HIBCH: variants seen among roughly 807,000 people sequenced by gnomAD.
HIBCH encodes the protein 3-hydroxyisobutyryl-CoA hydrolase.
In HIBCH, 50 loss-of-function variants were observed where a neutral mutation model predicts 58.2. The observed-to-expected ratio is 0.86, with a 90% CI of 0.68 to 1.09. The LOEUF is 1.09. HIBCH is among the 50% of genes least tolerant of loss of function. The probability of loss-of-function intolerance (pLI) is 0.00; values close to 1 mark genes in which losing one functional copy is unlikely to be tolerated. For synonymous variants in HIBCH, 151 were observed against 146.9 expected (o/e 1.03, Z -0.20); for missense variants, 450 against 449.7 (o/e 1.00, Z -0.01).
intron 8 of HIBCH, chr2:190,250,649 A>T (rs1179722488): frequency 5.4e-6 from 1 of 183,522 alleles, no homozygotes; most frequent in Non-Finnish European, 1.2e-5. Context: ...CAAGGGAAGC[A>T]TGAGACTACT....
chr2:190,295,557 T>C (rs1054546066), intron 3 of HIBCH, among the ~76,000 whole-genome samples: 1 of 152,204 alleles, frequency 6.6e-6, no homozygotes, highest in South Asian at 2.1e-4. Context: ...GCATTTTGAA[T>C]TAAGGATGTT....
At chr2:190,314,850 A>C (rs1688673395) in intron 1 of HIBCH, among the ~76,000 whole-genome samples, 1 of 152,212 alleles carries the variant, frequency 6.6e-6, no homozygotes, top group Non-Finnish European at 1.5e-5. Flanking sequence ...AATGTAATTG[A>C]GAATTCAGTG....
downstream of HIBCH, chr2:190,201,832 T>C (rs558000668): frequency 3.6e-5 from 6 of 167,140 alleles, no homozygotes; most frequent in South Asian, 1.0e-3. Context: ...GGCAGAAAGT[T>C]TCCCATAAGT....
chr2:190,311,003 T>C lies in HIBCH; in HGVS notation c.36-207A>G, dbSNP rs756598418. ...ATGAATTTTATGGTAACTTTATTCA[T>C]AACTGCCAAAATGTGGACGTAACCA... On this transcript the variant is annotated intron_variant, in intron 1 of 13. Coordinates refer to ENST00000359678, the MANE Select transcript of HIBCH (RefSeq NM_014362.4). The C allele has an allele frequency of 3.3e-5, 23 of 689,982 alleles. No individual in the cohort carries two copies. In the South Asian group the frequency reaches 3.5e-4, roughly 10 times the overall value. 42.7% of individuals were successfully genotyped at this position (689,982 alleles called of 1,614,324 possible).
chr2:190,248,739 T>G (rs1298011204), intron 9 of HIBCH, among the ~76,000 whole-genome samples: 1 of 151,960 alleles, frequency 6.6e-6, no homozygotes, highest in Admixed American at 6.6e-5. Flanking sequence ...CACACGCCTG[T>G]AATCCCAGCT....
At chr2:190,288,477 A>C (rs1426886991) in intron 5 of HIBCH, among the ~76,000 whole-genome samples, 1 of 149,798 alleles carries the variant, frequency 6.7e-6, no homozygotes, top group Non-Finnish European at 1.5e-5. Context: ...ATGGGAAATA[A>C]GGGACCACAT....
At position 190,217,495 on chromosome 2, in the gene HIBCH, C is replaced by A. The variant is rs116705890; in HGVS notation, c.892-4420G>T. On this transcript the variant is annotated intron_variant, in intron 11 of 13. Coordinates refer to ENST00000359678, the MANE Select transcript of HIBCH (RefSeq NM_014362.4). The surrounding 1 kb of genome is among the most constrained non-coding windows in gnomAD (Gnocchi z 4.6). The stretch of plus-strand genomic sequence containing the variant: ...GAGATTCTGTCTTAAAACAAAAAAA[C>A]AGACTACTGGAAAAAGACCTCCTGG... 1.3e-5 allele frequency among the ~76,000 whole-genome samples: 2 copies of A among 152,132 alleles called. No individual in the cohort carries two copies. The highest frequency in any genetic ancestry group is 4.8e-5 in the African/African-American group (2 of 41,426).
downstream of HIBCH, chr2:190,202,268 T>G (rs760736641): frequency 4.2e-4 from 71 of 167,150 alleles, no homozygotes; most frequent in Non-Finnish European, 6.9e-4. Flanking sequence ...AATCACATTT[T>G]AATAGAGTAC....
intron 6 of HIBCH, among the ~76,000 whole-genome samples, chr2:190,277,688 A>C (rs1430757471): frequency 6.6e-6 from 1 of 152,240 alleles, no homozygotes; most frequent in African/African-American, 2.4e-5. Context: ...GTTTTGTAAC[A>C]AACAGCCATG....
At chr2:190,258,124 A>T (rs77315392) in intron 7 of HIBCH, among the ~76,000 whole-genome samples, 2 of 151,934 alleles carry the variant, frequency 1.3e-5, no homozygotes, top group Non-Finnish European at 1.5e-5. Flanking sequence ...TGCTGTTCTC[A>T]TAATAATGAG....
At chr2:190,284,045 C>T (rs1221073254) in intron 6 of HIBCH, among the ~76,000 whole-genome samples, 1 of 152,180 alleles carries the variant, frequency 6.6e-6, no homozygotes, top group African/African-American at 2.4e-5. Flanking sequence ...AACCCAAGAA[C>T]ATTTTAGGGC....
chr2:190,311,523 T>C (rs1474644752), intron 1 of HIBCH, among the ~76,000 whole-genome samples: 1 of 152,202 alleles, frequency 6.6e-6, no homozygotes, highest in Non-Finnish European at 1.5e-5. Flanking sequence ...GAGGTATAAA[T>C]TGGTACTGCC....
At chr2:190,271,810 G>A (rs1162760795) in intron 6 of HIBCH, among the ~76,000 whole-genome samples, 2 of 152,154 alleles carry the variant, frequency 1.3e-5, no homozygotes, top group East Asian at 3.8e-4. Context: ...CTATAAGAGA[G>A]CTGATCTGGC....
intron 13 of HIBCH, chr2:190,208,624 ATTCT>A (rs1018829152): frequency 5.3e-5 from 29 of 542,302 alleles, no homozygotes; most frequent in Admixed American, 9.6e-5. Context: ...TAGGTTGAGT[ATTCT>A]TTATCTGGAA....
At chr2:190,294,022 G>GTGTGTATATATATATATA (rs755751586) in intron 4 of HIBCH, among the ~76,000 whole-genome samples, 1 of 83,020 alleles carries the variant, frequency 1.2e-5, no homozygotes. Flanking sequence ...TATTTTGTGT[G>GTGTGTATATATATATATA]TATATATATA....
chr2:190,314,244 T>C (rs1688632501), intron 1 of HIBCH, among the ~76,000 whole-genome samples: 1 of 143,026 alleles, frequency 7.0e-6, no homozygotes, highest in African/African-American at 2.6e-5. Context: ...TATTTATAGG[T>C]CACAAAAATC....
In HIBCH at chr2:190,255,328, G is replaced by T. The variant is rs143181928; in HGVS notation, c.518-3021C>A. Among the ~76,000 whole-genome samples, 642 of 152,216 alleles carry T rather than the reference G, an allele frequency of 4.2e-3. 2 individuals carry two copies. The highest frequency in any genetic ancestry group is 0.014 in the African/African-American group (594 of 41,530). Reference sequence around the variant, plus strand: ...AAGTTCATTCTTACCTAAGGGTCTTGAGCTAACTTTTCTTAATGCCACAAT... The same window carrying T: ...AAGTTCATTCTTACCTAAGGGTCTTTAGCTAACTTTTCTTAATGCCACAAT... On this transcript the variant is annotated intron_variant, in intron 7 of 13. Coordinates refer to ENST00000359678, the MANE Select transcript of HIBCH (RefSeq NM_014362.4).
chr2:190,282,741 G>A (rs141432321), intron 6 of HIBCH, among the ~76,000 whole-genome samples: 58 of 151,214 alleles, frequency 3.8e-4, no homozygotes, highest in African/African-American at 9.7e-4. Context: ...CTTCCAGCCT[G>A]TTGTTTACTC....
chr2:190,269,131 T>C (rs1012458060), intron 6 of HIBCH, among the ~76,000 whole-genome samples: 2 of 152,156 alleles, frequency 1.3e-5, no homozygotes, highest in Non-Finnish European at 2.9e-5. Context: ...ATAAAAACCC[T>C]AGAAGAAAAT....
Sources: gnomAD v4.1 joint callset for allele counts (sites outside exome capture counted in the v4.1 genomes callset) on GRCh38, gnomAD v4.1.1 for gene constraint, Gnocchi (gnomAD v3.1) non-coding constraint, MANE v1.5 for transcripts, NCBI Gene and HGNC (gene_info 2026-07-23, HGNC 2026-07-21) for gene names.